LRP1B: variants seen among roughly 807,000 people sequenced by gnomAD.
The protein encoded by LRP1B is LDL receptor related protein 1B.
Under a neutral mutation model 556.6 loss-of-function variants are expected in LRP1B, and 217 were observed. The observed-to-expected ratio is 0.39, with a 90% confidence interval of 0.35 to 0.44. The LOEUF (loss-of-function observed/expected upper bound fraction) is 0.44, where lower values mean the gene tolerates loss of function less well. Ranked by LOEUF, LRP1B falls within the 20% of genes least tolerant of loss-of-function variation. The probability of loss-of-function intolerance (pLI) is 1.00; values close to 1 mark genes in which losing one functional copy is unlikely to be tolerated. For synonymous variants in LRP1B, 2,047 were observed against 1,865.8 expected, an observed-to-expected ratio of 1.10 and a Z score of -2.50; for missense variants, 5,053 against 5,620.8, an observed-to-expected ratio of 0.90 and a Z score of 3.23.
intron 2 of LRP1B, among the ~76,000 whole-genome samples, chr2:141,631,604 G>C (rs1026287022): frequency 1.3e-5 from 2 of 150,226 alleles, no homozygotes; most frequent in Non-Finnish European, 3.0e-5. Context: ...GTTTACCTGA[G>C]CCAGCTGGTA....
chr2:141,412,023 A>T (rs754447736), intron 3 of LRP1B, among the ~76,000 whole-genome samples: 1 of 152,124 alleles, frequency 6.6e-6, no homozygotes, highest in Non-Finnish European at 1.5e-5. Context: ...GAACTATTAC[A>T]TTATTTTAAA....
In LRP1B at chr2:140,872,360, A is replaced by AT. The variant is rs59469282; in HGVS notation, c.4170-4098dup. ...GCTTGCTTTTGTATTGTGTCACCTG[A>AT]TTTTTTTTTTTTTTTTTTTTTTTTT... On this transcript the variant is annotated intron_variant, in intron 25 of 90. Coordinates refer to ENST00000389484, the MANE Select transcript of LRP1B (RefSeq NM_018557.3). 9.3e-3 allele frequency among the ~76,000 whole-genome samples: 562 copies of AT among 60,468 alleles called. 39 individuals carry two copies. Among genetic ancestry groups the AT allele is most frequent in the African/African-American group, 0.024 (349 of 14,788 alleles). 39.7% of individuals were successfully genotyped at this position (60,468 alleles called of 152,430 possible).
intron 2 of LRP1B, among the ~76,000 whole-genome samples, chr2:141,743,486 C>CTT (rs765968445): frequency 4.5e-3 from 489 of 107,656 alleles, no homozygotes; most frequent in African/African-American, 0.012. Context: ...CTGCTTTTTT[C>CTT]TTTTTTTTTT....
chr2:141,062,978 C>T (rs1422584265), intron 7 of LRP1B, among the ~76,000 whole-genome samples: 2 of 151,818 alleles, frequency 1.3e-5, no homozygotes, highest in Non-Finnish European at 2.9e-5. Flanking sequence ...TTCTTTCATA[C>T]TGTGCTAATG....
intron 2 of LRP1B, among the ~76,000 whole-genome samples, chr2:141,665,209 C>T (rs1413145196): frequency 6.6e-6 from 1 of 151,880 alleles, no homozygotes; most frequent in Non-Finnish European, 1.5e-5. Context: ...ATATTCAGAA[C>T]CTACAAGGAA....
At chr2:140,699,917 GA>G (rs35411688) in intron 41 of LRP1B, among the ~76,000 whole-genome samples, 2,733 of 144,548 alleles carry the variant, frequency 0.019, 82 homozygotes, top group African/African-American at 0.063. Context: ...TTGCCCACTG[GA>G]AAAAAAAAAT....
intron 49 of LRP1B, among the ~76,000 whole-genome samples, chr2:140,520,798 G>GAAAAAA (rs757383865): frequency 1.2e-4 from 10 of 86,444 alleles, no homozygotes; most frequent in African/African-American, 1.4e-4. Flanking sequence ...TAAGAAAACA[G>GAAAAAA]AAAAAAAAAA....
chr2:141,307,946 G>T (rs1212877257), intron 3 of LRP1B, among the ~76,000 whole-genome samples: 1 of 152,178 alleles, frequency 6.6e-6, no homozygotes, highest in African/African-American at 2.4e-5. Context: ...CTTTGTAATG[G>T]TGTTGGTGGT....
intron 59 of LRP1B, among the ~76,000 whole-genome samples, chr2:140,483,550 TCAGA>T (rs1234322803): frequency 2.8e-5 from 4 of 143,642 alleles, no homozygotes; most frequent in South Asian, 4.5e-4. Context: ...AAAAAATTGT[TCAGA>T]CACTCAAATA....
intron 1 of LRP1B, among the ~76,000 whole-genome samples, chr2:141,836,720 G>A (rs551479938): frequency 4.6e-5 from 7 of 151,818 alleles, no homozygotes; most frequent in Admixed American, 6.6e-5. Flanking sequence ...ATATTTGTGC[G>A]GAACATGAAT....
chr2:140,777,140 G>A (rs1288285293), intron 32 of LRP1B, among the ~76,000 whole-genome samples: 1 of 152,110 alleles, frequency 6.6e-6, no homozygotes. Flanking sequence ...TTATCAAGAA[G>A]AATAGAATTA....
chr2:141,494,818 A>G (rs1683458371), intron 2 of LRP1B, among the ~76,000 whole-genome samples: 1 of 123,206 alleles, frequency 8.1e-6, no homozygotes, highest in South Asian at 2.4e-4. Flanking sequence ...AATGAGATTC[A>G]GATTGAAACA....
chr2:141,920,105 A>G (rs1438418849), intron 1 of LRP1B, among the ~76,000 whole-genome samples: 2 of 151,730 alleles, frequency 1.3e-5, no homozygotes, highest in Non-Finnish European at 2.9e-5. Context: ...CCAGTACCTT[A>G]TGTGTTTCCT....
intron 3 of LRP1B, among the ~76,000 whole-genome samples, chr2:141,448,256 G>T (rs13419114): frequency 0.013 from 1,995 of 152,226 alleles, 38 homozygotes; most frequent in African/African-American, 0.046. Flanking sequence ...AATGTTGGAT[G>T]CCCCTCCCCC....
intron 47 of LRP1B, among the ~76,000 whole-genome samples, chr2:140,530,470 C>T (rs758522624): frequency 6.6e-5 from 10 of 151,948 alleles, no homozygotes; most frequent in African/African-American, 1.2e-4. Flanking sequence ...TCAGACAGCC[C>T]GGCTTATGGG....
At chr2:140,758,079 T>C (rs947085439) in intron 35 of LRP1B, among the ~76,000 whole-genome samples, 3 of 152,042 alleles carry the variant, frequency 2.0e-5, no homozygotes, top group Non-Finnish European at 4.4e-5. Context: ...CCAATAAAGA[T>C]GTTAGTTAAA....
chr2:141,748,912 C>T (rs1404217168), intron 2 of LRP1B, among the ~76,000 whole-genome samples: 1 of 152,110 alleles, frequency 6.6e-6, no homozygotes, highest in Non-Finnish European at 1.5e-5. Context: ...GCTTTTATAG[C>T]TGCTAAGGGG....
chr2:140,492,973 T>C (rs764296682), intron 56 of LRP1B, among the ~76,000 whole-genome samples: 1 of 152,176 alleles, frequency 6.6e-6, no homozygotes, highest in Non-Finnish European at 1.5e-5. Context: ...TAGTAGAAAA[T>C]ATCTGCTGTT....
At chr2:141,974,521 C>CATT (rs1327259279) in intron 1 of LRP1B, among the ~76,000 whole-genome samples, 1 of 151,922 alleles carries the variant, frequency 6.6e-6, no homozygotes, top group Non-Finnish European at 1.5e-5. Context: ...TTGCTAAGAA[C>CATT]ATTAGTATGG....
Sources: gnomAD v4.1 joint callset for allele counts (sites outside exome capture counted in the v4.1 genomes callset) on GRCh38, gnomAD v4.1.1 for gene constraint, MANE v1.5 for transcripts, NCBI Gene and HGNC (gene_info 2026-07-23, HGNC 2026-07-21) for gene names.